TEX9: variants seen among roughly 807,000 people sequenced by gnomAD.
TEX9 encodes the protein testis expressed 9, also known as testis-expressed protein 9.
Under a neutral mutation model 59.6 loss-of-function variants are expected in TEX9, and 74 were observed. The observed-to-expected ratio is 1.24, with a 90% CI of 1.03 to 1.51. The LOEUF is 1.51. Ranked by LOEUF, TEX9 falls within the 40% of genes most tolerant of loss-of-function variation. TEX9 has a pLI of 0.00. For missense variants in TEX9, 522 were observed against 447.8 expected, an observed-to-expected ratio of 1.17 and a Z score of -1.49; for synonymous variants, 186 against 152.2, an observed-to-expected ratio of 1.22 and a Z score of -1.64.
intron 9 of TEX9, among the ~76,000 whole-genome samples, chr15:56,404,575 C>G (rs1026864850): frequency 6.6e-6 from 1 of 152,090 alleles, no homozygotes; most frequent in Non-Finnish European, 1.5e-5. Context: ...GACAGTGTGG[C>G]GATTCCTCAA....
intron 2 of TEX9, among the ~76,000 whole-genome samples, chr15:56,372,037 T>G (rs573272627): frequency 6.6e-6 from 1 of 152,368 alleles, no homozygotes; most frequent in South Asian, 2.1e-4. Flanking sequence ...TTCCCTTGCC[T>G]GAGTTTGAGC....
At chr15:56,383,169 T>C (rs2047809441) in intron 3 of TEX9, among the ~76,000 whole-genome samples, 1 of 152,202 alleles carries the variant, frequency 6.6e-6, no homozygotes, top group South Asian at 2.1e-4. Context: ...CTCTCCACTC[T>C]GACAGGGCAG....
chr15:56,352,305 C>T (rs542730747), intron 1 of TEX9, among the ~76,000 whole-genome samples: 2 of 152,140 alleles, frequency 1.3e-5, no homozygotes, highest in Admixed American at 6.5e-5. Context: ...AGTGCAATGG[C>T]GCGATCTTAA....
chr15:56,414,158 G>A (rs758911639), intron 10 of TEX9, among the ~76,000 whole-genome samples: 1 of 151,728 alleles, frequency 6.6e-6, no homozygotes, highest in Non-Finnish European at 1.5e-5. Flanking sequence ...CCTCTATATT[G>A]TATTAGTTCA....
the TEX9 span, chr15:56,456,426 G>A: frequency 1.6e-5 from 26 of 1,610,058 alleles, no homozygotes; most frequent in South Asian, 3.3e-5. Flanking sequence ...TCATCTTTTC[G>A]TCCTTTAGAC....
At chr15:56,304,793 G>C (rs1406827175) in intron 1 of TEX9, among the ~76,000 whole-genome samples, 1 of 152,104 alleles carries the variant, frequency 6.6e-6, no homozygotes, top group Non-Finnish European at 1.5e-5. Context: ...TGCAATCATG[G>C]CTGACTGCAT....
At chr15:56,280,526 C>T (rs779167739) in intron 1 of TEX9, among the ~76,000 whole-genome samples, 10 of 152,022 alleles carry the variant, frequency 6.6e-5, no homozygotes, top group Non-Finnish European at 1.3e-4. Context: ...ATTATATGAG[C>T]CAAGTTAAAT....
intron 1 of TEX9, among the ~76,000 whole-genome samples, chr15:56,245,494 ACATT>A (rs1416972389): frequency 6.6e-6 from 1 of 152,186 alleles, no homozygotes; most frequent in Admixed American, 6.5e-5. Flanking sequence ...GTGGTTTACG[ACATT>A]CATTTTGCAT....
intron 10 of TEX9, among the ~76,000 whole-genome samples, chr15:56,427,036 A>C (rs2050318324): frequency 6.6e-6 from 1 of 151,962 alleles, no homozygotes; most frequent in Admixed American, 6.6e-5. Context: ...GCATGTTTTG[A>C]GGGCTCTGTT....
intron 5 of TEX9, 28 bp from the exon 6 acceptor site, chr15:56,389,290 G>A: frequency 1.3e-6 from 2 of 1,564,734 alleles, no homozygotes; most frequent in South Asian, 1.1e-5. Context: ...ACTCTAATTA[G>A]TCAATACTTT....
At chr15:56,396,263 A>C (rs2048463655) in intron 9 of TEX9, 1 of 152,184 alleles carries the variant, frequency 6.6e-6, no homozygotes, top group African/African-American at 2.4e-5. Flanking sequence ...GGTCTTGTAT[A>C]ATTAGCTTTA....
chr15:56,452,802 GC>G, the TEX9 span, among the ~76,000 whole-genome samples: 4 of 152,120 alleles, frequency 2.6e-5, no homozygotes, highest in Admixed American at 6.5e-5. Flanking sequence ...ACAGGCATGA[GC>G]CACCGCACCC....
intron 1 of TEX9, among the ~76,000 whole-genome samples, chr15:56,258,128 A>G (rs1372062479): frequency 1.3e-5 from 2 of 151,394 alleles, no homozygotes; most frequent in African/African-American, 4.9e-5. Context: ...TGGGTGTTCT[A>G]CTCTGTTCCA....
intron 1 of TEX9, among the ~76,000 whole-genome samples, chr15:56,320,748 TA>T (rs1253514744): frequency 6.6e-6 from 1 of 152,024 alleles, no homozygotes; most frequent in South Asian, 2.1e-4. Context: ...ACTTTGAGAG[TA>T]AAAAATGTGC....
intron 12 of TEX9, chr15:56,431,564 A>G (rs530888891): frequency 6.5e-7 from 1 of 1,532,644 alleles, no homozygotes; most frequent in Non-Finnish European, 9.0e-7. Context: ...TTTCAAATAA[A>G]ACTACTCATG....
chr15:56,330,450 C>A (rs1169389820), intron 1 of TEX9, among the ~76,000 whole-genome samples: 3 of 151,764 alleles, frequency 2.0e-5, no homozygotes, highest in Admixed American at 1.3e-4. Flanking sequence ...ATGAACCAAT[C>A]AAAAATAATA....
intron 9 of TEX9, chr15:56,398,084 A>G (rs1158526677): frequency 6.6e-6 from 1 of 152,216 alleles, no homozygotes; most frequent in Admixed American, 6.5e-5. Context: ...ATCTAGTAAT[A>G]AAAGTTAATT....
At chr15:56,414,455 T>C (rs1159594784) in intron 10 of TEX9, among the ~76,000 whole-genome samples, 2 of 151,740 alleles carry the variant, frequency 1.3e-5, no homozygotes, top group Non-Finnish European at 2.9e-5. Flanking sequence ...TGTAAGTTCT[T>C]ATCATTTAGC....
chr15:56,254,833 G>T (rs747042172), intron 1 of TEX9, among the ~76,000 whole-genome samples: 8 of 150,950 alleles, frequency 5.3e-5, no homozygotes, highest in Non-Finnish European at 1.2e-4. Context: ...CCTCAAAGAG[G>T]TTCAAGATAT....
Sources: allele counts gnomAD v4.1 joint callset (sites outside exome capture counted in the v4.1 genomes callset), GRCh38; gene constraint gnomAD v4.1.1; transcripts MANE v1.5; gene names NCBI Gene and HGNC (gene_info 2026-07-23, HGNC 2026-07-21).